SMYD3: variants seen among roughly 807,000 people sequenced by gnomAD.
The protein encoded by SMYD3 is histone-lysine N-methyltransferase SMYD3.
SMYD3 carries 36 observed loss-of-function variants against 57.7 expected under a neutral mutation model. That is an observed-to-expected ratio of 0.62 (90% CI 0.48 to 0.82). SMYD3 has a LOEUF of 0.82. SMYD3 is among the 40% of genes least tolerant of loss of function. The pLI is 0.00. For synonymous variants in SMYD3, 211 were observed against 195.0 expected, an observed-to-expected ratio of 1.08 and a Z score of -0.68; for missense variants, 515 against 538.8, an observed-to-expected ratio of 0.96 and a Z score of 0.44.
chr1:245,815,498 G>A (rs993597987), intron 10 of SMYD3, among the ~76,000 whole-genome samples: 6 of 152,194 alleles, frequency 3.9e-5, no homozygotes, highest in African/African-American at 1.4e-4. Flanking sequence ...TCAACCAAGG[G>A]GATTTTAGAG....
intron 10 of SMYD3, among the ~76,000 whole-genome samples, chr1:245,773,090 T>TAAAA (rs34679948): frequency 1.2e-5 from 1 of 86,246 alleles, no homozygotes; most frequent in Non-Finnish European, 2.6e-5. Context: ...GGAGAATCAC[T>TAAAA]AAAAAAAAAA....
At chr1:246,323,695 G>C (rs1217053885) in intron 5 of SMYD3, among the ~76,000 whole-genome samples, 1 of 152,110 alleles carries the variant, frequency 6.6e-6, no homozygotes, top group Non-Finnish European at 1.5e-5. Context: ...TGCCTTGATA[G>C]ATAATTTTGA....
intron 5 of SMYD3, among the ~76,000 whole-genome samples, chr1:246,014,334 TAA>T (rs927531207): frequency 6.6e-5 from 10 of 151,960 alleles, no homozygotes; most frequent in African/African-American, 2.4e-4. Flanking sequence ...AACAAACAAA[TAA>T]AAAAGTGAGT....
intron 1 of SMYD3, among the ~76,000 whole-genome samples, chr1:246,476,337 G>A (rs12028499): frequency 0.23 from 34,771 of 152,148 alleles, 4,296 homozygotes; most frequent in Middle Eastern, 0.36. Flanking sequence ...CTGGCTCCAC[G>A]GGCCAGTCCA....
intron 10 of SMYD3, among the ~76,000 whole-genome samples, chr1:245,765,073 C>CAAAAAAAAAAAAAAAAAAA (rs2046017074): frequency 8.2e-6 from 1 of 121,294 alleles, no homozygotes; most frequent in African/African-American, 3.1e-5. Context: ...CACACACACA[C>CAAAAAAAAAAAAAAAAAAA]ACACAAAACC....
At chr1:246,040,907 T>G (rs1174328681) in intron 5 of SMYD3, among the ~76,000 whole-genome samples, 1 of 152,166 alleles carries the variant, frequency 6.6e-6, no homozygotes, top group Non-Finnish European at 1.5e-5. Flanking sequence ...CCCTCTCTGA[T>G]ATATATAAAT....
At chr1:246,334,430 G>A (rs2065509302) in intron 3 of SMYD3, among the ~76,000 whole-genome samples, 1 of 152,080 alleles carries the variant, frequency 6.6e-6, no homozygotes, top group Non-Finnish European at 1.5e-5. Context: ...GCAGTTGGAG[G>A]GCATTATCCT....
At chr1:246,504,831 G>C (rs1172764331) in intron 1 of SMYD3, among the ~76,000 whole-genome samples, 1 of 152,192 alleles carries the variant, frequency 6.6e-6, no homozygotes, top group Admixed American at 6.5e-5. Context: ...AGTGAATAAA[G>C]AGAAACAAAT....
Position 245,770,052 on chromosome 1 carries a change from CA to C in SMYD3, c.1077-5904del, listed in dbSNP as rs142534954. Among the ~76,000 whole-genome samples the C allele has an allele frequency of 2.2e-3, 340 of 152,326 alleles. 2 individuals carry two copies. Among genetic ancestry groups the C allele is most frequent in the African/African-American group, 7.8e-3 (325 of 41,574 alleles). ...TCTTCAGCAGATTTTCAGCTTCCAG[CA>C]ATGGTGGAGTAGCTTATTTCAGACC... On this transcript the variant is annotated intron_variant, in intron 10 of 11. Coordinates refer to ENST00000490107, the MANE Select transcript of SMYD3 (RefSeq NM_001167740.2).
At chr1:245,853,472 C>G (rs1320776165) in intron 10 of SMYD3, among the ~76,000 whole-genome samples, 1 of 152,136 alleles carries the variant, frequency 6.6e-6, no homozygotes, top group African/African-American at 2.4e-5. Flanking sequence ...ACCTGGGATG[C>G]GGGGTCAGGA....
At chr1:246,050,377 C>A (rs1049262712) in intron 5 of SMYD3, among the ~76,000 whole-genome samples, 1 of 152,172 alleles carries the variant, frequency 6.6e-6, no homozygotes, top group East Asian at 1.9e-4. Flanking sequence ...AGGGCATCAT[C>A]CATAAAAGGT....
intron 5 of SMYD3, among the ~76,000 whole-genome samples, chr1:245,971,680 G>A (rs1285918500): frequency 6.6e-6 from 1 of 152,142 alleles, no homozygotes; most frequent in African/African-American, 2.4e-5. Flanking sequence ...AATCTCTGGA[G>A]CCTACCTTGG....
At chr1:245,868,840 C>T (rs964161349) in intron 8 of SMYD3, among the ~76,000 whole-genome samples, 3 of 152,148 alleles carry the variant, frequency 2.0e-5, no homozygotes, top group Admixed American at 6.6e-5. Context: ...GGGTCTGTCA[C>T]GTCTCCCCTC....
At chr1:246,024,803 T>C (rs2059545278) in intron 5 of SMYD3, among the ~76,000 whole-genome samples, 1 of 136,206 alleles carries the variant, frequency 7.3e-6, no homozygotes, top group African/African-American at 2.9e-5. Context: ...ATACAGCAAG[T>C]GGACAGCATC....
chr1:245,752,900 C>T (rs1411873604), intron 11 of SMYD3, among the ~76,000 whole-genome samples: 3 of 152,198 alleles, frequency 2.0e-5, no homozygotes, highest in African/African-American at 4.8e-5. Flanking sequence ...GATGACCTCT[C>T]GGCTCTCAGG....
At chr1:246,436,327 T>A (rs1458265525) in intron 1 of SMYD3, among the ~76,000 whole-genome samples, 1 of 152,192 alleles carries the variant, frequency 6.6e-6, no homozygotes, top group Non-Finnish European at 1.5e-5. Flanking sequence ...CAATCTCCAA[T>A]AATTGAAGGC....
intron 5 of SMYD3, among the ~76,000 whole-genome samples, chr1:246,291,982 C>A (rs2064700956): frequency 6.6e-6 from 1 of 151,874 alleles, no homozygotes; most frequent in African/African-American, 2.4e-5. Flanking sequence ...ACTTACTATC[C>A]AACACACCAG....
intron 5 of SMYD3, among the ~76,000 whole-genome samples, chr1:246,164,615 A>G (rs369363562): frequency 6.6e-6 from 1 of 152,164 alleles, no homozygotes; most frequent in Non-Finnish European, 1.5e-5. Context: ...GCCAGGCCCA[A>G]AGAGAAACTT....
intron 1 of SMYD3, among the ~76,000 whole-genome samples, chr1:246,448,071 G>A (rs894819658): frequency 9.9e-5 from 15 of 152,104 alleles, no homozygotes; most frequent in African/African-American, 3.6e-4. Flanking sequence ...AATCAAATTA[G>A]CCAGGCGTGG....
Sources: allele counts gnomAD v4.1 joint callset (sites outside exome capture counted in the v4.1 genomes callset), GRCh38; gene constraint gnomAD v4.1.1; transcripts MANE v1.5; gene names NCBI Gene and HGNC (gene_info 2026-07-23, HGNC 2026-07-21).